Variants in PDE2A observed in about 807,000 individuals in gnomAD.
PDE2A encodes phosphodiesterase 2A.
In PDE2A, 53 loss-of-function variants were observed where a neutral mutation model predicts 133.6. The observed-to-expected ratio is 0.40, with a 90% CI of 0.32 to 0.50. The LOEUF is 0.50. Ranked by LOEUF, PDE2A falls within the 20% of genes least tolerant of loss-of-function variation. The pLI, the probability that PDE2A is intolerant of heterozygous loss-of-function variation, is 0.73. For missense variants in PDE2A, 796 were observed against 1,232.4 expected (o/e 0.65, Z 5.30); for synonymous variants, 491 against 490.2 (o/e 1.00, Z -0.02).
intron 2 of PDE2A, among the ~76,000 whole-genome samples, chr11:72,617,941 C>T (rs539358496): frequency 6.6e-6 from 1 of 152,306 alleles, no homozygotes; most frequent in East Asian, 1.9e-4. Flanking sequence ...TGAGTGGGGT[C>T]CGTCTGGGGC....
At chr11:72,612,570 C>T (rs1436584861) in intron 2 of PDE2A, among the ~76,000 whole-genome samples, 1 of 152,002 alleles carries the variant, frequency 6.6e-6, no homozygotes, top group African/African-American at 2.4e-5. Flanking sequence ...AAAAATGGAT[C>T]TTTCTAGCTC....
intron 1 of PDE2A, 132 bp downstream of exon 1, chr11:72,674,005 G>GC (rs992173312): frequency 2.3e-6 from 2 of 865,662 alleles, no homozygotes; most frequent in African/African-American, 3.4e-5. Context: ...GAGGAGGGGT[G>GC]CCCAGGAACA....
chr11:72,591,389 CCT>C, intron 6 of PDE2A, 33 bp from the exon 7 acceptor site: 1 of 1,574,102 alleles, frequency 6.4e-7, no homozygotes, highest in Non-Finnish European at 8.7e-7. Flanking sequence ...CTAGCTGTGA[CCT>C]CTCTCAGTGT....
At chr11:72,618,638 G>A (rs777566798) in intron 2 of PDE2A, among the ~76,000 whole-genome samples, 13 of 152,184 alleles carry the variant, frequency 8.5e-5, no homozygotes, top group Non-Finnish European at 1.8e-4. Context: ...TCTGGACCCC[G>A]GGCCTGAGTC....
At chr11:72,622,232 G>A (rs997377225) in intron 2 of PDE2A, among the ~76,000 whole-genome samples, 2 of 152,120 alleles carry the variant, frequency 1.3e-5, no homozygotes, top group African/African-American at 4.8e-5. Flanking sequence ...GCAAGGATGT[G>A]GAGAAACTGA....
chr11:72,612,434 AGAG>A (rs1473949723), intron 2 of PDE2A, among the ~76,000 whole-genome samples: 2 of 152,164 alleles, frequency 1.3e-5, no homozygotes, highest in Non-Finnish European at 2.9e-5. Context: ...CCCAGACCAC[AGAG>A]GAGAACTTGT....
chr11:72,668,948 C>A (rs916455780), intron 1 of PDE2A: 30 of 1,006,912 alleles, frequency 3.0e-5, no homozygotes, highest in Non-Finnish European at 3.6e-5. Context: ...CCTCTCCAGG[C>A]CCCGCTAAAT....
At chr11:72,674,011 G>A in intron 1 of PDE2A, 126 bp downstream of exon 1, 1 of 937,990 alleles carries the variant, frequency 1.1e-6, no homozygotes, top group Non-Finnish European at 1.6e-6. Context: ...GGGTGCCCAG[G>A]AACAGGATCG....
rs754222817 is a variant in PDE2A, at chr11:72,597,503, C to G, written c.433+7G>C. On this transcript the variant is annotated splice_region_variant and intron_variant, in intron 5 of 30. Transcript: ENST00000334456. The surrounding 1 kb of genome is among the most constrained non-coding windows in gnomAD (Gnocchi z 4.6). ...GCCCCTGCCCCTGCCCAGCCCCTAG[C>G]CCTTACCTTGGGTATCAGGAGCCAG... is the stretch of plus-strand genomic sequence containing the variant. 7 of 1,578,060 alleles carry G rather than the reference C, an allele frequency of 4.4e-6. No individual in the cohort carries two copies. In the South Asian group the frequency reaches 7.7e-5, roughly 17 times the overall value.
intron 14 of PDE2A, 133 bp from the exon 15 acceptor site, chr11:72,585,726 G>C (rs565555406): frequency 2.7e-6 from 2 of 747,342 alleles, no homozygotes; most frequent in Non-Finnish European, 2.3e-6. Flanking sequence ...GAAACTGTCA[G>C]TGTCTAATTA....
At chr11:72,653,045 T>C (rs920732725) in intron 1 of PDE2A, among the ~76,000 whole-genome samples, 1 of 152,182 alleles carries the variant, frequency 6.6e-6, no homozygotes, top group Non-Finnish European at 1.5e-5. Flanking sequence ...TGGCATTCTG[T>C]TTCTAAGCAC....
chr11:72,665,211 C>T (rs943934533), intron 1 of PDE2A, among the ~76,000 whole-genome samples: 1 of 152,092 alleles, frequency 6.6e-6, no homozygotes, highest in Admixed American at 6.5e-5. Flanking sequence ...AGACCCCAAC[C>T]CCAGGAAGCC....
Position 72,578,635 on chromosome 11 carries a change from G to T in PDE2A, c.2470-121C>A. 1 of 884,366 alleles carries T rather than the reference G, an allele frequency of 1.1e-6. No homozygotes were observed. Among genetic ancestry groups the T allele is most frequent in the South Asian group, 1.5e-5 (1 of 66,488 alleles). The allele number at this position is 884,366 out of a possible 1,614,324, so 54.8% of individuals were successfully genotyped here. A position where few individuals can be genotyped will look rare whatever the true frequency, so the allele number is the denominator to read the frequency against. ...GGGATTCAGTCCCAGCTCAGGAGCC[G>T]TCCCCACCAGCCCCAGCTTGGCAGT... On this transcript the variant is annotated intron_variant, in intron 28 of 30. Coordinates refer to ENST00000334456, the MANE Select transcript of PDE2A (RefSeq NM_002599.5). The surrounding 1 kb of genome is among the most constrained non-coding windows in gnomAD (Gnocchi z 4.2).
At position 72,588,798 on chromosome 11, in the gene PDE2A, C is replaced by G. The variant is rs866757188; in HGVS notation, c.1056G>C (p.Lys352Asn). 18 of 1,602,682 alleles carry G rather than the reference C, an allele frequency of 1.1e-5. 2 individuals are homozygous for G. The Middle Eastern group carries it at 3.0e-3, about 266-fold the overall frequency. Residue 352 changes from lysine (K) to asparagine (N), a missense_variant, in exon 13 of 31, where the codon AAG becomes AAC. By Grantham distance (94) the Lys-to-Asn change is moderately conservative (BLOSUM62 0). Transcript: ENST00000334456. ...QVVALACAFN[K>N]LEGDLFTDED... Reference sequence around the variant, plus strand: ...CAAAGACTCACAAGTCTCCTTCTAGCTTGTTGAAGGCGCAGGCCAAGGCCA... The same window carrying G: ...CAAAGACTCACAAGTCTCCTTCTAGGTTGTTGAAGGCGCAGGCCAAGGCCA...
intron 2 of PDE2A, among the ~76,000 whole-genome samples, chr11:72,640,297 G>A (rs1254931509): frequency 1.3e-5 from 2 of 151,276 alleles, no homozygotes; most frequent in Non-Finnish European, 2.9e-5. Flanking sequence ...TAGATAATGT[G>A]CACACCTAAT....
rs140527600 is a variant in PDE2A at position 72,656,690 on chromosome 11, G to A, written c.72-14364C>T. On this transcript the variant is annotated intron_variant, in intron 1 of 30. Transcript: ENST00000334456. ...CCCATGGGCTCTCCTCGCCTTTCTCGGAGGTAGTGATTACCTGGGAAAATC... is the reference window on the plus strand; with the variant it reads ...CCCATGGGCTCTCCTCGCCTTTCTCAGAGGTAGTGATTACCTGGGAAAATC... Among the ~76,000 whole-genome samples the A allele has an allele frequency of 1.8e-4, 28 of 152,082 alleles. No individual in the cohort carries two copies. In the East Asian group the frequency reaches 4.1e-3, roughly 22 times the overall value.
At chr11:72,629,953 G>T (rs1314915742) in intron 2 of PDE2A, among the ~76,000 whole-genome samples, 1 of 152,118 alleles carries the variant, frequency 6.6e-6, no homozygotes, top group East Asian at 1.9e-4. Flanking sequence ...TCTCAGCCAG[G>T]CCTGGGCAGA....
intron 4 of PDE2A, among the ~76,000 whole-genome samples, chr11:72,603,035 A>C (rs141489170): frequency 6.6e-6 from 1 of 152,276 alleles, no homozygotes; most frequent in African/African-American, 2.4e-5. Context: ...ATCCTTTTTC[A>C]GGTAGCAGCT....
At chr11:72,646,164 C>T (rs1859123099) in intron 1 of PDE2A, among the ~76,000 whole-genome samples, 1 of 152,226 alleles carries the variant, frequency 6.6e-6, no homozygotes, top group Admixed American at 6.5e-5. Context: ...CATAGCCCAG[C>T]CCCTCTAGCC....
Sources: allele counts gnomAD v4.1 joint callset (sites outside exome capture counted in the v4.1 genomes callset), GRCh38; gene constraint gnomAD v4.1.1; non-coding constraint Gnocchi (gnomAD v3.1); transcripts MANE v1.5; gene names NCBI Gene and HGNC (gene_info 2026-07-23, HGNC 2026-07-21).